Variants in RABGAP1L observed in about 807,000 individuals in gnomAD.
RABGAP1L encodes RAB GTPase activating protein 1 like.
In RABGAP1L, 63 loss-of-function variants were observed where a neutral mutation model predicts 137.7. That is an observed-to-expected ratio of 0.46 (90% CI 0.37 to 0.56). The LOEUF is 0.56. RABGAP1L is among the 20% of genes least tolerant of loss of function. The pLI is 0.00. For synonymous variants in RABGAP1L, 431 were observed against 433.7 expected (o/e 0.99, Z 0.08); for missense variants, 1,095 against 1,244.0 (o/e 0.88, Z 1.80).
intron 11 of RABGAP1L, among the ~76,000 whole-genome samples, chr1:174,343,140 A>G (rs1400203796): frequency 6.6e-6 from 1 of 152,202 alleles, no homozygotes; most frequent in African/African-American, 2.4e-5. Flanking sequence ...TATGAACACT[A>G]CATTAAACGA....
At chr1:174,306,703 T>C (rs1215403708) in intron 11 of RABGAP1L, among the ~76,000 whole-genome samples, 1 of 152,166 alleles carries the variant, frequency 6.6e-6, no homozygotes, top group African/African-American at 2.4e-5. Context: ...CACTGCTTTT[T>C]TTTGGAAATA....
At position 174,752,707 on chromosome 1, in the gene RABGAP1L, A is replaced by G. The variant is rs533679561; in HGVS notation, c.2211+353A>G. Among the ~76,000 whole-genome samples the G allele has an allele frequency of 7.9e-5, 12 of 152,282 alleles. No homozygotes were observed. In the East Asian group the frequency reaches 2.3e-3, roughly 29 times the overall value. ...TTTTCTTAAAACACTTTTTACTATAACATCTCTGGAGGTACCTAAACATAT... is the reference window on the plus strand; with the variant it reads ...TTTTCTTAAAACACTTTTTACTATAGCATCTCTGGAGGTACCTAAACATAT... On this transcript the variant is annotated intron_variant, in intron 18 of 25. Transcript: ENST00000681986.
intron 1 of RABGAP1L, among the ~76,000 whole-genome samples, chr1:174,188,920 T>C (rs1237209606): frequency 6.6e-6 from 1 of 152,238 alleles, no homozygotes; most frequent in African/African-American, 2.4e-5. Context: ...CCAGTTGTGT[T>C]AGCCTCTAAC....
At chr1:174,343,481 A>C (rs1173970371) in intron 11 of RABGAP1L, among the ~76,000 whole-genome samples, 2 of 152,170 alleles carry the variant, frequency 1.3e-5, no homozygotes, top group Non-Finnish European at 2.9e-5. Flanking sequence ...ACTCTAGTTC[A>C]CAATAAATAT....
At chr1:174,413,145 T>A (rs1384080019) in intron 13 of RABGAP1L, among the ~76,000 whole-genome samples, 2 of 152,166 alleles carry the variant, frequency 1.3e-5, no homozygotes, top group East Asian at 3.8e-4. Flanking sequence ...ATCAAAGACT[T>A]TGTTCATTTT....
intron 13 of RABGAP1L, among the ~76,000 whole-genome samples, chr1:174,619,342 T>G (rs1182271371): frequency 6.6e-6 from 1 of 152,102 alleles, no homozygotes; most frequent in Admixed American, 6.5e-5. Context: ...AATTGTCAGA[T>G]TCACCACAGT....
intron 11 of RABGAP1L, among the ~76,000 whole-genome samples, chr1:174,368,370 A>G (rs995880659): frequency 2.6e-5 from 4 of 152,186 alleles, no homozygotes; most frequent in African/African-American, 9.7e-5. Context: ...TGATCAAATG[A>G]TATATTAACT....
intron 11 of RABGAP1L, among the ~76,000 whole-genome samples, chr1:174,340,556 G>A (rs1469137809): frequency 6.6e-6 from 1 of 152,148 alleles, no homozygotes; most frequent in Non-Finnish European, 1.5e-5. Context: ...ACTTTGCTGA[G>A]GATAATGGCT....
At chr1:174,596,433 C>G (rs375852552) in intron 13 of RABGAP1L, among the ~76,000 whole-genome samples, 9 of 152,286 alleles carry the variant, frequency 5.9e-5, no homozygotes, top group African/African-American at 1.4e-4. Flanking sequence ...AGATCTTTCA[C>G]TTCTTTGGTT....
chr1:174,470,034 T>C (rs1657736890), intron 13 of RABGAP1L, among the ~76,000 whole-genome samples: 1 of 152,164 alleles, frequency 6.6e-6, no homozygotes, highest in South Asian at 2.1e-4. Flanking sequence ...AAAAATTCCT[T>C]GTATATGAGA....
At chr1:174,860,725 T>C (rs1045660754) in intron 19 of RABGAP1L, among the ~76,000 whole-genome samples, 1 of 152,254 alleles carries the variant, frequency 6.6e-6, no homozygotes, top group Non-Finnish European at 1.5e-5. Flanking sequence ...AAAAAAGTTA[T>C]TCCAAAATGC....
intron 14 of RABGAP1L, among the ~76,000 whole-genome samples, chr1:174,655,078 T>G (rs1235895002): frequency 6.6e-6 from 1 of 151,822 alleles, no homozygotes; most frequent in Non-Finnish European, 1.5e-5. Context: ...TTTGTTTTCC[T>G]AAACTGTTTG....
intron 19 of RABGAP1L, among the ~76,000 whole-genome samples, chr1:174,887,291 G>A (rs1266464424): frequency 6.6e-6 from 1 of 152,128 alleles, no homozygotes; most frequent in African/African-American, 2.4e-5. Flanking sequence ...CCATGGTTAG[G>A]TTAGCTGTGT....
At chr1:174,619,022 C>T (rs1425267865) in intron 13 of RABGAP1L, among the ~76,000 whole-genome samples, 1 of 152,074 alleles carries the variant, frequency 6.6e-6, no homozygotes, top group East Asian at 1.9e-4. Context: ...ATTTGATCAA[C>T]TGGAAGAAAG....
chr1:174,329,283 T>G (rs1278843456), intron 11 of RABGAP1L, among the ~76,000 whole-genome samples: 1 of 151,872 alleles, frequency 6.6e-6, no homozygotes, highest in Non-Finnish European at 1.5e-5. Flanking sequence ...CAAGCTTGAG[T>G]CAAGAAGAAA....
At chr1:174,272,709 A>G (rs1674662795) in intron 8 of RABGAP1L, among the ~76,000 whole-genome samples, 1 of 152,004 alleles carries the variant, frequency 6.6e-6, no homozygotes, top group Admixed American at 6.6e-5. Flanking sequence ...TTGTGTTATG[A>G]TAATGTCCAT....
intron 1 of RABGAP1L, among the ~76,000 whole-genome samples, chr1:174,215,297 T>C (rs960041595): frequency 2.0e-5 from 3 of 151,550 alleles, no homozygotes; most frequent in Non-Finnish European, 4.4e-5. Context: ...TCTCTACCAA[T>C]AATACAAAAA....
chr1:174,885,686 G>T (rs1227075882), intron 19 of RABGAP1L, among the ~76,000 whole-genome samples: 1 of 150,830 alleles, frequency 6.6e-6, no homozygotes, highest in Admixed American at 6.6e-5. Flanking sequence ...TGATGATTAA[G>T]ACCAGGCGTA....
intron 13 of RABGAP1L, among the ~76,000 whole-genome samples, chr1:174,494,625 T>C (rs978979265): frequency 6.6e-6 from 1 of 152,170 alleles, no homozygotes; most frequent in Non-Finnish European, 1.5e-5. Context: ...ACGTAAAATT[T>C]TTAGGTGGCC....
Sources: gnomAD v4.1 joint callset for allele counts (sites outside exome capture counted in the v4.1 genomes callset) on GRCh38, gnomAD v4.1.1 for gene constraint, MANE v1.5 for transcripts, NCBI Gene and HGNC (gene_info 2026-07-23, HGNC 2026-07-21) for gene names.